BASP1: variants seen among roughly 807,000 people sequenced by gnomAD.
The protein encoded by BASP1 is brain abundant membrane attached signal protein 1.
A neutral mutation model predicts 2.2 loss-of-function variants in BASP1; 1 was observed. The ratio of observed to expected loss-of-function variants is 0.46; its 90% CI spans 0.16 to 2.17. The LOEUF (loss-of-function observed/expected upper bound fraction) is 2.17. Ranked by LOEUF, BASP1 falls within the 30% of genes most tolerant of loss-of-function variation. The pLI is 0.27. For missense variants in BASP1, 352 were observed against 327.2 expected, an observed-to-expected ratio of 1.08 and a Z score of -0.58; for synonymous variants, 187 against 154.2, an observed-to-expected ratio of 1.21 and a Z score of -1.58.
rs1234781963 is a variant in BASP1 at position 17,275,620 on chromosome 5, C to G, written c.404C>G (p.Pro135Arg). 1.4e-6 allele frequency: 2 copies of G among 1,478,684 alleles called. No individual in the cohort carries two copies. Among genetic ancestry groups the G allele is most frequent in the South Asian group, 2.7e-5 (2 of 74,984 alleles). 91.6% of individuals were successfully genotyped at this position (1,478,684 alleles called of 1,614,324 possible). The change falls in exon 2 of 2, where the codon CCT becomes CGT. Residue 135 changes from proline (P) to arginine (R), a missense_variant. Physicochemically the swap from Pro to Arg is moderately radical, Grantham distance 103. Transcript: ENST00000322611. The surrounding 1 kb of genome is among the most constrained non-coding windows in gnomAD (Gnocchi z 5.3). ...GCGGCCCCGGCCGAGAGCGCGGCCC[C>G]TGCCGCCGGGGAGGAGCCCAGCAAG... ...AAAAPAESAAPAAGEEPSKEE... is the reference protein window; with the variant it reads ...AAAAPAESAARAAGEEPSKEE...
chr5:17,265,000 G>A (rs1740389408), intron 1 of BASP1, among the ~76,000 whole-genome samples: 1 of 152,190 alleles, frequency 6.6e-6, no homozygotes, highest in African/African-American at 2.4e-5. Context: ...AAATCATATG[G>A]AGAAATTTGA....
intron 1 of BASP1, among the ~76,000 whole-genome samples, chr5:17,263,914 G>C (rs1391361532): frequency 6.6e-6 from 1 of 152,202 alleles, no homozygotes; most frequent in Non-Finnish European, 1.5e-5. Flanking sequence ...CTCCCCAGAG[G>C]ACATCTGCAT....
chr5:17,267,629 C>T (rs1740441077), intron 1 of BASP1, among the ~76,000 whole-genome samples: 3 of 151,716 alleles, frequency 2.0e-5, no homozygotes, highest in Admixed American at 2.0e-4. Flanking sequence ...AGCGATTTTC[C>T]TGCTTCAGCC....
At chr5:17,249,595 T>C (rs1250620911) in intron 1 of BASP1, among the ~76,000 whole-genome samples, 2 of 152,120 alleles carry the variant, frequency 1.3e-5, no homozygotes, top group African/African-American at 4.8e-5. Flanking sequence ...TTTAACCCTT[T>C]GAGTTTGAGA....
intron 1 of BASP1, among the ~76,000 whole-genome samples, chr5:17,220,710 A>C (rs1739378850): frequency 6.6e-6 from 1 of 152,162 alleles, no homozygotes; most frequent in Non-Finnish European, 1.5e-5. Context: ...AGAGCCCTAA[A>C]CATTTAGGCT....
intron 1 of BASP1, among the ~76,000 whole-genome samples, chr5:17,253,156 A>C (rs1041955419): frequency 6.6e-6 from 1 of 152,214 alleles, no homozygotes; most frequent in Non-Finnish European, 1.5e-5. Flanking sequence ...TCAAAGTTCA[A>C]AATATTTAGT....
chr5:17,232,708 G>T (rs1181926967), intron 1 of BASP1, among the ~76,000 whole-genome samples: 1 of 151,984 alleles, frequency 6.6e-6, no homozygotes, highest in Non-Finnish European at 1.5e-5. Context: ...ACATCACCGT[G>T]GATTTTTCTT....
At chr5:17,244,689 G>A (rs1383419566) in intron 1 of BASP1, among the ~76,000 whole-genome samples, 2 of 150,348 alleles carry the variant, frequency 1.3e-5, no homozygotes, top group Admixed American at 6.6e-5. Context: ...TACTATAATT[G>A]TAGTGTTTTT....
At chr5:17,244,579 T>C (rs920680151) in intron 1 of BASP1, among the ~76,000 whole-genome samples, 1 of 152,182 alleles carries the variant, frequency 6.6e-6, no homozygotes, top group African/African-American at 2.4e-5. Flanking sequence ...CACACTGCCA[T>C]TGTTTACATC....
intron 1 of BASP1, among the ~76,000 whole-genome samples, chr5:17,248,219 A>C (rs959712074): frequency 6.6e-6 from 1 of 152,216 alleles, no homozygotes; most frequent in African/African-American, 2.4e-5. Flanking sequence ...AATTTAACCC[A>C]GTGCTTGTAA....
chr5:17,222,184 C>G (rs558639490), intron 1 of BASP1, among the ~76,000 whole-genome samples: 1 of 152,078 alleles, frequency 6.6e-6, no homozygotes, highest in African/African-American at 2.4e-5. Context: ...TAAAGGGGAC[C>G]AAATATCATG....
At chr5:17,228,601 TTTAATGCTGTGAC>T (rs1170379756) in intron 1 of BASP1, among the ~76,000 whole-genome samples, 1 of 152,240 alleles carries the variant, frequency 6.6e-6, no homozygotes, top group Non-Finnish European at 1.5e-5. Context: ...CTTGTTGAAA[TTTAATGCTGTGAC>T]TAGCAATGTA....
In BASP1 at chr5:17,275,352, G is replaced by A. The variant is rs149655189; in HGVS notation, c.136G>A (p.Ala46Thr). Residue 46 changes from alanine to threonine, a missense_variant, in exon 2 of 2, where the codon GCA becomes ACA. Physicochemically the swap from Ala to Thr is moderately conservative, Grantham distance 58 (BLOSUM62 0). Coordinates refer to ENST00000322611, the MANE Select transcript of BASP1 (RefSeq NM_006317.5). This position sits in a 1 kb window ranked among gnomAD's most constrained non-coding sequence, Gnocchi z 5.3. ...GAAGGAGAGTGAGCCCCAGGCGGCC[G>A]CAGAGCCCGCCGAGGCCAAGGAGGG... Reference protein sequence around the residue: ...TPKESEPQAAAEPAEAKEGKE... With the variant: ...TPKESEPQAATEPAEAKEGKE... The A allele has an allele frequency of 2.1e-3, 3,391 of 1,599,782 alleles. 44 individuals carry two copies. The African/African-American group carries it at 0.031, about 14-fold the overall frequency.
chr5:17,219,262 C>G (rs1232022723), intron 1 of BASP1, among the ~76,000 whole-genome samples: 1 of 152,196 alleles, frequency 6.6e-6, no homozygotes, highest in Non-Finnish European at 1.5e-5. Context: ...CATCCCATCT[C>G]CATCATCCAG....
intron 1 of BASP1, among the ~76,000 whole-genome samples, chr5:17,259,800 G>A (rs903142839): frequency 6.6e-6 from 1 of 152,152 alleles, no homozygotes; most frequent in Non-Finnish European, 1.5e-5. Flanking sequence ...CACATTGATC[G>A]AGCCTGTCAT....
chr5:17,223,995 C>T (rs114496658), intron 1 of BASP1, among the ~76,000 whole-genome samples: 1 of 152,172 alleles, frequency 6.6e-6, no homozygotes, highest in African/African-American at 2.4e-5. Flanking sequence ...ATGTTGTGAT[C>T]TATTGACAAA....
At chr5:17,274,240 A>G (rs1453749904) in intron 1 of BASP1, among the ~76,000 whole-genome samples, 2 of 152,142 alleles carry the variant, frequency 1.3e-5, no homozygotes, top group African/African-American at 4.8e-5. Flanking sequence ...TTACTATAGA[A>G]CTACTTTTTT....
At chr5:17,233,600 T>C (rs1739679215) in intron 1 of BASP1, among the ~76,000 whole-genome samples, 1 of 152,198 alleles carries the variant, frequency 6.6e-6, no homozygotes, top group Non-Finnish European at 1.5e-5. Context: ...CTCACAGACC[T>C]ACTGTATGTT....
chr5:17,224,614 C>A (rs200243745), intron 1 of BASP1, among the ~76,000 whole-genome samples: 2 of 152,162 alleles, frequency 1.3e-5, no homozygotes, highest in East Asian at 3.9e-4. Context: ...ATCAGTATTA[C>A]GTTAAATTGC....
Sources: gnomAD v4.1 joint callset for allele counts (sites outside exome capture counted in the v4.1 genomes callset) on GRCh38, gnomAD v4.1.1 for gene constraint, Gnocchi (gnomAD v3.1) non-coding constraint, MANE v1.5 for transcripts, NCBI Gene and HGNC (gene_info 2026-07-23, HGNC 2026-07-21) for gene names.